The following NRXN3 variants were observed in gnomAD, a reference collection of about 807,000 sequenced individuals.
The protein encoded by NRXN3 is neurexin III.
Under a neutral mutation model 137.6 loss-of-function variants are expected in NRXN3, and 32 were observed. That is an observed-to-expected ratio of 0.23 (90% CI 0.18 to 0.31). NRXN3 has a LOEUF of 0.31. Among genes scored for constraint, NRXN3 ranks in the 10% least tolerant of loss-of-function variants. The probability of loss-of-function intolerance (pLI) is 1.00; values close to 1 mark genes in which losing one functional copy is unlikely to be tolerated. For missense variants in NRXN3, 1,574 were observed against 2,062.5 expected (o/e 0.76, Z 4.59); for synonymous variants, 798 against 784.5 (o/e 1.02, Z -0.29).
At chr14:79,542,037 G>C (rs766577132) in intron 16 of NRXN3, among the ~76,000 whole-genome samples, 5 of 152,174 alleles carry the variant, frequency 3.3e-5, no homozygotes, top group Non-Finnish European at 7.3e-5. Context: ...TAAAGAAGTA[G>C]CAATCACTAG....
At chr14:78,816,940 G>T (rs1386152008) in intron 10 of NRXN3, among the ~76,000 whole-genome samples, 1 of 152,092 alleles carries the variant, frequency 6.6e-6, no homozygotes, top group Non-Finnish European at 1.5e-5. Flanking sequence ...AGGGATCATT[G>T]TCATTCATGA....
rs139563515 is a variant in NRXN3, at chr14:78,311,384, G to T, written c.757+13524G>T. On this transcript the variant is annotated intron_variant, in intron 4 of 20. Coordinates refer to ENST00000335750, the MANE Select transcript of NRXN3 (RefSeq NM_001330195.2). ...ATGCTTTCAATAGAGAGGGTCTTTG[G>T]GTACCTCCATTGCAAGAGGGAATCA... Among the ~76,000 whole-genome samples the T allele has an allele frequency of 3.9e-4, 60 of 152,234 alleles. 1 individual carries two copies. In the South Asian group the frequency reaches 4.1e-3, roughly 11 times the overall value.
rs545206455 is a variant in NRXN3, at chr14:79,557,581, A to G, written c.3444+90179A>G. Among the ~76,000 whole-genome samples, 8 of 152,280 alleles carry G rather than the reference A, an allele frequency of 5.3e-5. No homozygotes were observed. The South Asian group carries it at 1.5e-3, about 28-fold the overall frequency. On this transcript the variant is annotated intron_variant, in intron 16 of 20. Coordinates refer to ENST00000335750, the MANE Select transcript of NRXN3 (RefSeq NM_001330195.2). ...AAAATTTACGTTGACATTCTACTGT[A>G]GTCTATTAAATGTGCAATAGCATTA...
chr14:79,414,350 A>C (rs1418936564), intron 15 of NRXN3, among the ~76,000 whole-genome samples: 1 of 152,100 alleles, frequency 6.6e-6, no homozygotes, highest in African/African-American at 2.4e-5. Flanking sequence ...AGTTTGACTC[A>C]GGTCAAATAG....
At chr14:79,087,571 A>G (rs1319039974) in intron 15 of NRXN3, among the ~76,000 whole-genome samples, 1 of 152,220 alleles carries the variant, frequency 6.6e-6, no homozygotes, top group Non-Finnish European at 1.5e-5. Context: ...GGTAGTGGTG[A>G]TACCTTATTA....
chr14:78,252,020 C>T (rs2068706854), intron 2 of NRXN3, among the ~76,000 whole-genome samples: 1 of 152,060 alleles, frequency 6.6e-6, no homozygotes, highest in Non-Finnish European at 1.5e-5. Context: ...CTGTTGTTCT[C>T]CAGAAATTGA....
intron 15 of NRXN3, among the ~76,000 whole-genome samples, chr14:79,207,473 G>A (rs2066954311): frequency 6.6e-6 from 1 of 152,178 alleles, no homozygotes; most frequent in South Asian, 2.1e-4. Flanking sequence ...TCCCTTCTGA[G>A]GATTTCATAT....
At position 79,144,735 on chromosome 14, in the gene NRXN3, C is replaced by G. The variant is rs539066994; in HGVS notation, c.3262+156594C>G. ...CTAATGACTTCACGTTTATCCTGAA[C>G]TAGAAATATGGTATCTTCTTGGTTG... On this transcript the variant is annotated intron_variant, in intron 15 of 20. Coordinates refer to ENST00000335750, the MANE Select transcript of NRXN3 (RefSeq NM_001330195.2). 4.6e-5 allele frequency among the ~76,000 whole-genome samples: 7 copies of G among 152,296 alleles called. No individual in the cohort carries two copies. In the South Asian group the frequency reaches 1.4e-3, roughly 32 times the overall value.
intron 15 of NRXN3, among the ~76,000 whole-genome samples, chr14:79,348,235 C>G (rs922250716): frequency 6.6e-6 from 1 of 152,028 alleles, no homozygotes; most frequent in South Asian, 2.1e-4. Context: ...TGTAAGTAGG[C>G]CTTTTCTCCC....
At chr14:78,323,679 T>C (rs982042578) in intron 4 of NRXN3, among the ~76,000 whole-genome samples, 7 of 152,020 alleles carry the variant, frequency 4.6e-5, no homozygotes, top group Non-Finnish European at 8.8e-5. Context: ...TCAGATCCTG[T>C]AGGCCCTCCC....
chr14:78,760,034 CTTTTTT>C (rs61320632), intron 8 of NRXN3, among the ~76,000 whole-genome samples: 3 of 86,716 alleles, frequency 3.5e-5, no homozygotes, highest in Admixed American at 2.6e-4. Context: ...AGCCTGCAGT[CTTTTTT>C]TTTTTTTTTT....
chr14:78,908,464 C>T (rs942671959), intron 10 of NRXN3, among the ~76,000 whole-genome samples: 1 of 152,040 alleles, frequency 6.6e-6, no homozygotes, highest in Non-Finnish European at 1.5e-5. Context: ...TTCCTCCTCC[C>T]ACCAGTCTTT....
intron 16 of NRXN3, among the ~76,000 whole-genome samples, chr14:79,487,020 C>T (rs2096663713): frequency 6.6e-6 from 1 of 151,140 alleles, no homozygotes; most frequent in Non-Finnish European, 1.5e-5. Flanking sequence ...CCAACCTCTT[C>T]AGCAAGAAGA....
chr14:78,177,776 A>C (rs1267110042), intron 1 of NRXN3: 1 of 152,086 alleles, frequency 6.6e-6, no homozygotes, highest in Non-Finnish European at 1.5e-5. Flanking sequence ...AAAAACCTGG[A>C]TCTTCTGAGT....
At chr14:79,325,819 GC>G (rs1209851006) in intron 15 of NRXN3, among the ~76,000 whole-genome samples, 2 of 152,172 alleles carry the variant, frequency 1.3e-5, no homozygotes, top group African/African-American at 4.8e-5. Context: ...TCTCTGACTT[GC>G]CTGTGTGCAC....
chr14:78,395,154 T>C (rs1490622239), intron 4 of NRXN3, among the ~76,000 whole-genome samples: 4 of 151,750 alleles, frequency 2.6e-5, no homozygotes, highest in Non-Finnish European at 5.9e-5. Flanking sequence ...AAATTTGACT[T>C]CCCCCCCTTT....
At chr14:79,767,422 T>C (rs1022566681) in intron 19 of NRXN3, among the ~76,000 whole-genome samples, 2 of 152,236 alleles carry the variant, frequency 1.3e-5, no homozygotes, top group African/African-American at 4.8e-5. Context: ...TTCCCTGAGT[T>C]CCCTGACCAT....
At chr14:79,595,092 C>G (rs1327891534) in intron 16 of NRXN3, among the ~76,000 whole-genome samples, 2 of 152,104 alleles carry the variant, frequency 1.3e-5, no homozygotes, top group East Asian at 3.9e-4. Flanking sequence ...TTAAAATTAC[C>G]TTCCAAAAAT....
chr14:79,408,041 TAAG>T (rs2095347566), intron 15 of NRXN3, among the ~76,000 whole-genome samples: 1 of 152,146 alleles, frequency 6.6e-6, no homozygotes. Flanking sequence ...AAGTTGAAAT[TAAG>T]AAGAACTCAG....
Sources: allele counts gnomAD v4.1 joint callset (sites outside exome capture counted in the v4.1 genomes callset), GRCh38; gene constraint gnomAD v4.1.1; transcripts MANE v1.5; gene names NCBI Gene and HGNC (gene_info 2026-07-23, HGNC 2026-07-21).